SLC24A2: variants seen among roughly 807,000 people sequenced by gnomAD.
SLC24A2 encodes the protein sodium/potassium/calcium exchanger 2.
A neutral mutation model predicts 62.0 loss-of-function variants in SLC24A2; 36 were observed. The ratio of observed to expected loss-of-function variants is 0.58; its 90% CI spans 0.44 to 0.77. SLC24A2 has a LOEUF of 0.77. SLC24A2 is among the 30% of genes least tolerant of loss of function. SLC24A2 has a pLI of 0.00. For synonymous variants in SLC24A2, 358 were observed against 294.0 expected (o/e 1.22, Z -2.23); for missense variants, 846 against 817.9 (o/e 1.03, Z -0.42).
intron 2 of SLC24A2, among the ~76,000 whole-genome samples, chr9:19,720,834 A>AAGG (rs1219217757): frequency 1.6e-5 from 2 of 123,604 alleles, no homozygotes; most frequent in African/African-American, 6.8e-5. Context: ...TATATGTGGA[A>AAGG]TGATGTGTGT....
At chr9:19,681,000 G>C (rs1473246451) in intron 2 of SLC24A2, among the ~76,000 whole-genome samples, 1 of 151,880 alleles carries the variant, frequency 6.6e-6, no homozygotes, top group Admixed American at 6.6e-5. Context: ...CTTCATCCCA[G>C]CTTGTTCTCA....
chr9:19,646,060 A>G (rs2208554), intron 2 of SLC24A2, among the ~76,000 whole-genome samples: 87,226 of 151,946 alleles, frequency 0.57, 25,640 homozygotes, highest in East Asian at 0.83. Context: ...TAAATGGGAC[A>G]ATGCACATCA....
the SLC24A2 span, among the ~76,000 whole-genome samples, chr9:19,798,247 T>C: frequency 1.3e-5 from 2 of 152,218 alleles, no homozygotes; most frequent in Admixed American, 6.5e-5. Context: ...AAATTACACT[T>C]GTATTTGCTG....
the SLC24A2 span, among the ~76,000 whole-genome samples, chr9:20,072,378 G>A: frequency 5.3e-5 from 8 of 152,234 alleles, no homozygotes; most frequent in African/African-American, 1.9e-4. Flanking sequence ...GAGAAGGTCA[G>A]ACAGATTTTG....
At chr9:19,535,355 A>G (rs1426385454) in intron 8 of SLC24A2, among the ~76,000 whole-genome samples, 1 of 152,166 alleles carries the variant, frequency 6.6e-6, no homozygotes, top group Admixed American at 6.5e-5. Context: ...TCTTTAGTTT[A>G]ATGAGATCCC....
chr9:19,839,649 G>A, the SLC24A2 span, among the ~76,000 whole-genome samples: 4 of 152,288 alleles, frequency 2.6e-5, no homozygotes, highest in South Asian at 6.2e-4. Flanking sequence ...GGAAGATCAT[G>A]AAATTTAGGG....
the SLC24A2 span, among the ~76,000 whole-genome samples, chr9:19,858,496 G>T: frequency 6.6e-6 from 1 of 152,060 alleles, no homozygotes; most frequent in Non-Finnish European, 1.5e-5. Context: ...AACAAAATTG[G>T]CAAATGGAAC....
the SLC24A2 span, among the ~76,000 whole-genome samples, chr9:19,831,583 G>A: frequency 2.7e-4 from 41 of 152,240 alleles, no homozygotes; most frequent in African/African-American, 6.7e-4. Flanking sequence ...TAAGATTCTC[G>A]ATGACACTGC....
At chr9:19,642,304 G>A (rs1818520177) in intron 2 of SLC24A2, among the ~76,000 whole-genome samples, 1 of 152,184 alleles carries the variant, frequency 6.6e-6, no homozygotes, top group South Asian at 2.1e-4. Flanking sequence ...ATCTTAGTAG[G>A]TACAGCTAGT....
At chr9:20,102,837 C>T in the SLC24A2 span, among the ~76,000 whole-genome samples, 1 of 152,100 alleles carries the variant, frequency 6.6e-6, no homozygotes, top group Non-Finnish European at 1.5e-5. Context: ...GAGTGCCAGA[C>T]AGTGGGCGCA....
the SLC24A2 span, among the ~76,000 whole-genome samples, chr9:19,903,233 A>T: frequency 6.6e-6 from 1 of 152,160 alleles, no homozygotes; most frequent in African/African-American, 2.4e-5. Context: ...TGAGATCAGG[A>T]TGCCAGCCTG....
intron 7 of SLC24A2, among the ~76,000 whole-genome samples, chr9:19,562,832 T>C: frequency 6.6e-6 from 1 of 152,220 alleles, no homozygotes; most frequent in Non-Finnish European, 1.5e-5. Context: ...GGCTGGATTA[T>C]GGTGGCTCAC....
At chr9:20,229,596 G>C in the SLC24A2 span, among the ~76,000 whole-genome samples, 3 of 151,988 alleles carry the variant, frequency 2.0e-5, no homozygotes, top group Non-Finnish European at 4.4e-5. Context: ...CCATACATTT[G>C]TCAACTTTTC....
intron 2 of SLC24A2, among the ~76,000 whole-genome samples, chr9:19,686,678 G>A (rs1473658529): frequency 6.6e-6 from 1 of 152,092 alleles, no homozygotes; most frequent in African/African-American, 2.4e-5. Flanking sequence ...ATGTGAAGAA[G>A]GACATGTTTG....
the SLC24A2 span, among the ~76,000 whole-genome samples, chr9:20,103,761 G>C: frequency 6.6e-6 from 1 of 151,826 alleles, no homozygotes; most frequent in Non-Finnish European, 1.5e-5. Flanking sequence ...AAACAGAACA[G>C]AAAAACTGGA....
At chr9:19,838,983 T>G in the SLC24A2 span, among the ~76,000 whole-genome samples, 1 of 152,036 alleles carries the variant, frequency 6.6e-6, no homozygotes, top group Non-Finnish European at 1.5e-5. Context: ...ATTTTTGCAA[T>G]CTGCTCATCT....
the SLC24A2 span, among the ~76,000 whole-genome samples, chr9:19,976,944 A>T: frequency 1.3e-5 from 2 of 152,354 alleles, no homozygotes; most frequent in South Asian, 4.1e-4. Flanking sequence ...AAGAAAATAA[A>T]CATAGTGAAC....
the SLC24A2 span, among the ~76,000 whole-genome samples, chr9:20,013,206 C>T: frequency 6.7e-6 from 1 of 150,032 alleles, no homozygotes. Flanking sequence ...AAAGCAGGCA[C>T]ATCTACCAAT....
the SLC24A2 span, among the ~76,000 whole-genome samples, chr9:20,092,686 G>A: frequency 1.3e-5 from 2 of 152,176 alleles, no homozygotes; most frequent in Non-Finnish European, 1.5e-5. Context: ...CCAAAGTCAT[G>A]TTAATTAATG....
Sources: gnomAD v4.1 joint callset for allele counts (sites outside exome capture counted in the v4.1 genomes callset) on GRCh38, gnomAD v4.1.1 for gene constraint, MANE v1.5 for transcripts, NCBI Gene and HGNC (gene_info 2026-07-23, HGNC 2026-07-21) for gene names.